Variants in LCLAT1 observed in about 807,000 individuals in gnomAD.
The protein encoded by LCLAT1 is lysocardiolipin acyltransferase 1.
LCLAT1 carries 11 observed loss-of-function variants against 30.7 expected under a neutral mutation model. The ratio of observed to expected loss-of-function variants is 0.36; its 90% CI spans 0.23 to 0.59. LCLAT1 has a LOEUF of 0.59. LCLAT1 is among the 20% of genes least tolerant of loss of function. The pLI is 0.77. For synonymous variants in LCLAT1, 155 were observed against 151.3 expected, an observed-to-expected ratio of 1.02 and a Z score of -0.18; for missense variants, 402 against 458.6, an observed-to-expected ratio of 0.88 and a Z score of 1.13.
chr2:30,533,953 A>T (rs1256771832), intron 3 of LCLAT1, among the ~76,000 whole-genome samples: 1 of 152,172 alleles, frequency 6.6e-6, no homozygotes, highest in Non-Finnish European at 1.5e-5. Context: ...AATGTGAAAA[A>T]GGGAGGGGAA....
intron 1 of LCLAT1, among the ~76,000 whole-genome samples, chr2:30,493,597 G>A (rs759101423): frequency 5.3e-5 from 8 of 152,116 alleles, no homozygotes; most frequent in Non-Finnish European, 7.4e-5. Context: ...GTGTGTAGTT[G>A]TGTAACCCCC....
intron 5 of LCLAT1, among the ~76,000 whole-genome samples, chr2:30,637,989 G>A (rs902897027): frequency 1.3e-5 from 2 of 152,064 alleles, no homozygotes; most frequent in Non-Finnish European, 2.9e-5. Context: ...TACCCCCTGC[G>A]AACAATATAC....
At chr2:30,492,039 C>G (rs1023654568) in intron 1 of LCLAT1, among the ~76,000 whole-genome samples, 3 of 152,128 alleles carry the variant, frequency 2.0e-5, no homozygotes, top group African/African-American at 7.2e-5. Flanking sequence ...TGTATCATGT[C>G]GTATGTATCC....
chr2:30,505,543 A>G (rs1021020036), intron 1 of LCLAT1, among the ~76,000 whole-genome samples: 7 of 152,226 alleles, frequency 4.6e-5, no homozygotes, highest in African/African-American at 9.6e-5. Flanking sequence ...TTGGGTGACT[A>G]TTGTCATAAC....
intron 1 of LCLAT1, among the ~76,000 whole-genome samples, chr2:30,474,844 G>T (rs1682970023): frequency 6.6e-6 from 1 of 151,738 alleles, no homozygotes; most frequent in Admixed American, 6.6e-5. Flanking sequence ...TAGAGATGAG[G>T]TCTCATTTTG....
At position 30,640,504 on chromosome 2, in the gene LCLAT1, C is replaced by T. The variant is rs779186236; in HGVS notation, c.1016C>T (p.Thr339Ile). The stretch of plus-strand genomic sequence containing the variant: ...CTTGTTAAGTGGTATTTTATAATCA[C>T]CATTGTAATCTTTGTGCTGCAAGAG... ...YSLVKWYFII[T>I]IVIFVLQERI... The change falls in exon 6 of 6, where the codon ACC (threonine) becomes ATC (isoleucine). Residue 339 changes from threonine to isoleucine, a missense_variant. Coordinates refer to ENST00000379509, the MANE Select transcript of LCLAT1 (RefSeq NM_001002257.3). 5 of 1,613,980 alleles carry T rather than the reference C, an allele frequency of 3.1e-6. No homozygotes were observed. The highest frequency in any genetic ancestry group is 4.2e-6 in the Non-Finnish European group (5 of 1,179,996).
intron 1 of LCLAT1, among the ~76,000 whole-genome samples, chr2:30,520,846 T>A (rs1198306343): frequency 2.0e-5 from 3 of 152,226 alleles, no homozygotes; most frequent in Admixed American, 2.0e-4. Flanking sequence ...TTAAAAAATA[T>A]ACTTTCTATG....
intron 3 of LCLAT1, among the ~76,000 whole-genome samples, chr2:30,540,875 A>G (rs557941659): frequency 6.6e-6 from 1 of 151,736 alleles, no homozygotes; most frequent in Admixed American, 6.6e-5. Context: ...ATGTTTGCCA[A>G]GCTGGTCTTG....
In LCLAT1 at chr2:30,459,689, C is replaced by G; in HGVS notation, c.-5+12306C>G. 4 of 1,613,930 alleles carry G rather than the reference C, an allele frequency of 2.5e-6. No homozygotes were observed. The highest frequency in any genetic ancestry group is 3.4e-6 in the Non-Finnish European group (4 of 1,179,846). On this transcript the variant is annotated intron_variant, in intron 1 of 5. Transcript: ENST00000379509. The stretch of plus-strand genomic sequence containing the variant: ...AACGAGGCAGTTTCTAGCTACTGCA[C>G]GTACTTCATAAAGCAGGACTCTAAA...
At chr2:30,550,500 G>T (rs1212323912) in intron 3 of LCLAT1, among the ~76,000 whole-genome samples, 1 of 152,150 alleles carries the variant, frequency 6.6e-6, no homozygotes, top group Non-Finnish European at 1.5e-5. Context: ...ACATTTTGTA[G>T]AATGTTCCTC....
chr2:30,603,951 A>G (rs1002142428), intron 5 of LCLAT1, among the ~76,000 whole-genome samples: 2 of 152,216 alleles, frequency 1.3e-5, no homozygotes, highest in African/African-American at 4.8e-5. Flanking sequence ...CCAGGGAAAA[A>G]TGATTTGTGG....
chr2:30,476,684 T>C (rs1387827951), intron 1 of LCLAT1: 1 of 322,450 alleles, frequency 3.1e-6, no homozygotes, highest in Non-Finnish European at 6.2e-6. Flanking sequence ...GTAGTAATAG[T>C]GGAAATAAAG....
chr2:30,494,220 C>A (rs1041479349), intron 1 of LCLAT1, among the ~76,000 whole-genome samples: 3 of 152,102 alleles, frequency 2.0e-5, no homozygotes, highest in Admixed American at 6.5e-5. Flanking sequence ...GAGACCCTGT[C>A]TTAAAACCAA....
intron 5 of LCLAT1, among the ~76,000 whole-genome samples, chr2:30,593,381 C>T (rs1014484403): frequency 1.3e-5 from 2 of 152,138 alleles, no homozygotes; most frequent in African/African-American, 4.8e-5. Flanking sequence ...AGAGTGCAGT[C>T]ATCTCTTTGA....
intron 1 of LCLAT1, among the ~76,000 whole-genome samples, chr2:30,515,646 C>T (rs1020316052): frequency 2.0e-5 from 3 of 152,176 alleles, no homozygotes; most frequent in African/African-American, 7.2e-5. Context: ...GTTCACTTCT[C>T]TATCTCTGTT....
intron 1 of LCLAT1, among the ~76,000 whole-genome samples, chr2:30,498,665 A>G (rs1409572259): frequency 1.3e-5 from 2 of 152,146 alleles, no homozygotes; most frequent in Non-Finnish European, 2.9e-5. Flanking sequence ...TCTCATGGGC[A>G]TGTTTGAATG....
At chr2:30,497,948 A>G (rs1684198928) in intron 1 of LCLAT1, among the ~76,000 whole-genome samples, 1 of 152,180 alleles carries the variant, frequency 6.6e-6, no homozygotes, top group Non-Finnish European at 1.5e-5. Flanking sequence ...TGTTTATTGG[A>G]AACCGTTCAG....
In LCLAT1 at chr2:30,557,257, T is replaced by C. The variant is rs140555193; in HGVS notation, c.365-4889T>C. 1.2e-3 allele frequency among the ~76,000 whole-genome samples: 182 copies of C among 150,756 alleles called. 1 individual carries two copies. The highest frequency in any genetic ancestry group is 1.6e-3 in the Non-Finnish European group (110 of 67,900). ...AGACATGGTCAATGAAATAAACACA[T>C]TGTAGGACAGTGTAGAAGGTATGAT... On this transcript the variant is annotated intron_variant, in intron 3 of 5. Coordinates refer to ENST00000379509, the MANE Select transcript of LCLAT1 (RefSeq NM_001002257.3).
chr2:30,623,240 G>C (rs1668353357), intron 5 of LCLAT1, among the ~76,000 whole-genome samples: 1 of 151,930 alleles, frequency 6.6e-6, no homozygotes, highest in South Asian at 2.1e-4. Context: ...TTTTTTAGTA[G>C]AGACAGGGTT....
Sources: allele counts gnomAD v4.1 joint callset (sites outside exome capture counted in the v4.1 genomes callset), GRCh38; gene constraint gnomAD v4.1.1; transcripts MANE v1.5; gene names NCBI Gene and HGNC (gene_info 2026-07-23, HGNC 2026-07-21).